The following RNF152 variants were observed in gnomAD, a reference collection of about 807,000 sequenced individuals.
The protein encoded by RNF152 is ring finger protein 152, also known as E3 ubiquitin-protein ligase RNF152.
Under a neutral mutation model 12.7 loss-of-function variants are expected in RNF152, and 11 were observed. That is an observed-to-expected ratio of 0.86 (90% CI 0.54 to 1.43). The LOEUF (loss-of-function observed/expected upper bound fraction) is 1.43. Ranked by LOEUF, RNF152 falls within the 40% of genes most tolerant of loss-of-function variation. The pLI is 0.00. For missense variants in RNF152, 255 were observed against 274.8 expected, an observed-to-expected ratio of 0.93 and a Z score of 0.51; for synonymous variants, 113 against 120.3, an observed-to-expected ratio of 0.94 and a Z score of 0.40.
chr18:61,839,643 C>T (rs1036635304), intron 1 of RNF152, among the ~76,000 whole-genome samples: 8 of 152,154 alleles, frequency 5.3e-5, no homozygotes, highest in Non-Finnish European at 1.2e-4. Context: ...CCCCTGTAAT[C>T]CCAGCACTTT....
upstream of RNF152, chr18:61,894,221 C>G (rs142181095): frequency 0.059 from 8,846 of 151,082 alleles, 358 homozygotes; most frequent in Middle Eastern, 0.087. The surrounding 1 kb of genome is among the most constrained non-coding windows in gnomAD (Gnocchi z 4.9). Flanking sequence ...CGGGTGGTCC[C>G]GGCGCGCCCG....
intron 1 of RNF152, among the ~76,000 whole-genome samples, chr18:61,855,385 G>A (rs1283457141): frequency 3.9e-5 from 6 of 152,246 alleles, no homozygotes; most frequent in Non-Finnish European, 5.9e-5. Flanking sequence ...CTGCAGGGAC[G>A]CCAGCTGTAG....
chr18:61,852,745 G>C (rs1398148197), intron 1 of RNF152, among the ~76,000 whole-genome samples: 1 of 152,058 alleles, frequency 6.6e-6, no homozygotes, highest in Non-Finnish European at 1.5e-5. Context: ...ACTTTTAAAA[G>C]CTCTCCAGGT....
chr18:61,855,852 G>A (rs534090767), intron 1 of RNF152, among the ~76,000 whole-genome samples: 50 of 152,294 alleles, frequency 3.3e-4, no homozygotes, highest in Admixed American at 6.5e-4. Flanking sequence ...AGAGGTTTCC[G>A]GCTGGTGACT....
intron 1 of RNF152, among the ~76,000 whole-genome samples, chr18:61,863,974 C>T (rs12717144): frequency 0.83 from 126,441 of 152,164 alleles, 54,025 homozygotes; most frequent in Non-Finnish European, 0.94. Flanking sequence ...TTCTGAAAAA[C>T]ACCCAGTCAT....
intron 1 of RNF152, among the ~76,000 whole-genome samples, chr18:61,841,293 T>A (rs1440429147): frequency 6.6e-6 from 1 of 152,192 alleles, no homozygotes; most frequent in African/African-American, 2.4e-5. Context: ...GGGAGAGGCA[T>A]GTAATAAATA....
chr18:61,854,520 G>A (rs971562206), intron 1 of RNF152, among the ~76,000 whole-genome samples: 1 of 152,164 alleles, frequency 6.6e-6, no homozygotes, highest in Non-Finnish European at 1.5e-5. Flanking sequence ...ATTTTCCATA[G>A]TTTCTTCCCC....
rs1322310870 is a variant in RNF152 at position 61,815,622 on chromosome 18, A to G, written c.*230T>C. 2 of 538,162 alleles carry G rather than the reference A, an allele frequency of 3.7e-6. No individual in the cohort carries two copies. Among genetic ancestry groups the G allele is most frequent in the Non-Finnish European group, 3.3e-6 (1 of 302,314 alleles). 33.3% of individuals were successfully genotyped at this position (538,162 alleles called of 1,614,324 possible). On this transcript the variant is annotated 3_prime_UTR_variant, in exon 2 of 2. Coordinates refer to ENST00000312828, the MANE Select transcript of RNF152 (RefSeq NM_173557.3). Reference sequence around the variant, plus strand: ...AATACATGATTATGAGGATGCATGCAATCATCTTCCAAGCTGTTGCCATCA... The same window carrying G: ...AATACATGATTATGAGGATGCATGCGATCATCTTCCAAGCTGTTGCCATCA...
At chr18:61,867,609 A>G (rs1911799721) in intron 1 of RNF152, among the ~76,000 whole-genome samples, 2 of 152,094 alleles carry the variant, frequency 1.3e-5, no homozygotes, top group Admixed American at 6.5e-5. Flanking sequence ...AGCACCCACT[A>G]TTGATGAAAC....
At position 61,856,305 on chromosome 18, in the gene RNF152, G is replaced by A. The variant is rs546359436; in HGVS notation, c.-136+36490C>T. 8.5e-5 allele frequency among the ~76,000 whole-genome samples: 13 copies of A among 152,260 alleles called. No homozygotes were observed. The South Asian group carries it at 1.5e-3, about 17-fold the overall frequency. On this transcript the variant is annotated intron_variant, in intron 1 of 1. Transcript: ENST00000312828. The stretch of plus-strand genomic sequence containing the variant: ...TGGAAAATGACACGGGGAAATACAC[G>A]ATGGGTTCCTGTCCTGGGAACACTA...
At chr18:61,876,682 A>G (rs998119807) in intron 1 of RNF152, among the ~76,000 whole-genome samples, 1 of 152,180 alleles carries the variant, frequency 6.6e-6, no homozygotes, top group East Asian at 1.9e-4. Context: ...CAGGAAAGTC[A>G]TTTAGGCTCT....
At chr18:61,853,417 G>C (rs1400901388) in intron 1 of RNF152, among the ~76,000 whole-genome samples, 40 of 151,600 alleles carry the variant, frequency 2.6e-4, no homozygotes. Context: ...AGCCTCCTGA[G>C]TAGCTGAGAC....
chr18:61,871,819 A>G (rs1442567964), intron 1 of RNF152, among the ~76,000 whole-genome samples: 1 of 152,192 alleles, frequency 6.6e-6, no homozygotes, highest in Non-Finnish European at 1.5e-5. Context: ...CAACTATAAA[A>G]TAAGAGCAAT....
At chr18:61,873,997 A>T (rs553302403) in intron 1 of RNF152, among the ~76,000 whole-genome samples, 1 of 152,354 alleles carries the variant, frequency 6.6e-6, no homozygotes, top group Middle Eastern at 3.4e-3. Flanking sequence ...AATCTATCTT[A>T]ATAAGCATAG....
chr18:61,838,647 T>C (rs1363991559), intron 1 of RNF152, among the ~76,000 whole-genome samples: 1 of 152,110 alleles, frequency 6.6e-6, no homozygotes, highest in East Asian at 1.9e-4. Context: ...CAGACAGCAC[T>C]AACATTCACG....
chr18:61,845,979 A>G (rs989026456), intron 1 of RNF152, among the ~76,000 whole-genome samples: 4 of 152,154 alleles, frequency 2.6e-5, no homozygotes, highest in African/African-American at 7.2e-5. Flanking sequence ...CCCTTATAAA[A>G]TAAGTCCAAG....
chr18:61,886,329 C>T (rs1333616821), intron 1 of RNF152, among the ~76,000 whole-genome samples: 1 of 152,132 alleles, frequency 6.6e-6, no homozygotes, highest in Non-Finnish European at 1.5e-5. Flanking sequence ...TTATTGAGCC[C>T]TTCCTGTGTA....
chr18:61,885,354 C>A (rs1170278016), intron 1 of RNF152, among the ~76,000 whole-genome samples: 1 of 152,140 alleles, frequency 6.6e-6, no homozygotes, highest in East Asian at 1.9e-4. Context: ...TTTGCCCAGG[C>A]TGGAGTGCAG....
At chr18:61,870,385 C>T (rs759699726) in intron 1 of RNF152, among the ~76,000 whole-genome samples, 3 of 152,216 alleles carry the variant, frequency 2.0e-5, no homozygotes, top group South Asian at 4.1e-4. Context: ...TCATCTCCCA[C>T]GTGGTATTTT....
Sources: gnomAD v4.1 joint callset for allele counts (sites outside exome capture counted in the v4.1 genomes callset) on GRCh38, gnomAD v4.1.1 for gene constraint, Gnocchi (gnomAD v3.1) non-coding constraint, MANE v1.5 for transcripts, NCBI Gene and HGNC (gene_info 2026-07-23, HGNC 2026-07-21) for gene names.